The following ANP32B variants were observed in gnomAD, a reference collection of about 807,000 sequenced individuals.
ANP32B encodes the protein acidic leucine-rich nuclear phosphoprotein 32 family member B.
In ANP32B, 6 loss-of-function variants were observed where a neutral mutation model predicts 32.2. The observed-to-expected ratio is 0.19, with a 90% confidence interval of 0.10 to 0.37. The LOEUF is 0.37. Ranked by LOEUF, ANP32B falls within the 10% of genes least tolerant of loss-of-function variation. The pLI is 1.00. For synonymous variants in ANP32B, 98 were observed against 105.8 expected, an observed-to-expected ratio of 0.93 and a Z score of 0.45; for missense variants, 204 against 289.2, an observed-to-expected ratio of 0.71 and a Z score of 2.14.
chr9:97,983,668 A>G, intron 1 of ANP32B, 59 bp downstream of exon 1: 1 of 1,366,666 alleles, frequency 7.3e-7, no homozygotes, highest in Non-Finnish European at 1.0e-6. Flanking sequence ...AATGGTGGCC[A>G]CCTGCGGGGC....
chr9:98,012,524 AC>A (rs1828203848), intron 6 of ANP32B, 52 bp downstream of exon 6: 2 of 1,604,268 alleles, frequency 1.2e-6, no homozygotes, highest in African/African-American at 2.7e-5. Context: ...TTAGAGAAAA[AC>A]ATCCATTATT....
chr9:97,983,431 C>A lies in ANP32B; in HGVS notation c.-125C>A. Reference sequence around the variant, plus strand: ...CCCGCACGCCGCCCGCCACCCAGGACCGCGCCGCCGGCCTCCGCCGCTAGC... The same window carrying A: ...CCCGCACGCCGCCCGCCACCCAGGAACGCGCCGCCGGCCTCCGCCGCTAGC... On this transcript the variant is annotated 5_prime_UTR_variant, in exon 1 of 7. Transcript: ENST00000339399. The A allele has an allele frequency of 1.2e-6, 1 of 855,754 alleles. No homozygotes were observed. The highest frequency in any genetic ancestry group is 1.8e-5 in the African/African-American group (1 of 56,804). 53.0% of individuals were successfully genotyped at this position (855,754 alleles called of 1,614,324 possible).
Position 97,994,771 on chromosome 9 carries a change from ATTG to A in ANP32B, c.196_198del (p.Leu66del). The A allele has an allele frequency of 6.3e-7, 1 of 1,591,378 alleles. No individual in the cohort carries two copies. The highest frequency in any genetic ancestry group is 8.5e-7 in the Non-Finnish European group (1 of 1,171,900). The stretch of plus-strand genomic sequence containing the variant: ...TTTCAAATCTCCCCAAGCTGCCTAA[ATTG>A]AAAAAGGTAAGTGCTTTTTCTTTAA... On this transcript the variant is annotated inframe_deletion, in exon 2 of 7. Coordinates refer to ENST00000339399, the MANE Select transcript of ANP32B (RefSeq NM_006401.3).
chr9:97,983,454 A>G lies in ANP32B; in HGVS notation c.-102A>G, dbSNP rs1827630040. On this transcript the variant is annotated 5_prime_UTR_variant, in exon 1 of 7. Transcript: ENST00000339399. Reference sequence around the variant, plus strand: ...GACCGCGCCGCCGGCCTCCGCCGCTAGCAAACCCTTCCGACGGCCCTCGCT... The same window carrying G: ...GACCGCGCCGCCGGCCTCCGCCGCTGGCAAACCCTTCCGACGGCCCTCGCT... 5.4e-6 allele frequency: 6 copies of G among 1,116,390 alleles called. No individual in the cohort carries two copies. The highest frequency in any genetic ancestry group is 7.8e-6 in the Non-Finnish European group (6 of 770,536). 69.2% of individuals were successfully genotyped at this position (1,116,390 alleles called of 1,614,324 possible). A position where few individuals can be genotyped will look rare whatever the true frequency, so the allele number is the denominator to read the frequency against.
rs1828261330 is a variant in ANP32B at position 98,015,499 on chromosome 9, GT to G, written c.*71del. 11 of 1,439,586 alleles carry G rather than the reference GT, an allele frequency of 7.6e-6. No homozygotes were observed. The highest frequency in any genetic ancestry group is 1.4e-5 in the South Asian group (1 of 71,294). The allele number at this position is 1,439,586 out of a possible 1,614,324, so 89.2% of individuals were successfully genotyped here. A position where few individuals can be genotyped will look rare whatever the true frequency, so the allele number is the denominator to read the frequency against. On this transcript the variant is annotated 3_prime_UTR_variant, in exon 7 of 7. Coordinates refer to ENST00000339399, the MANE Select transcript of ANP32B (RefSeq NM_006401.3). ...TGGACTGCTCATGGATTTTGTAGCTGTTTAAAAAAAAAAAAAAGGTAGCTGT... is the reference window on the plus strand; with the variant it reads ...TGGACTGCTCATGGATTTTGTAGCTGTTAAAAAAAAAAAAAAGGTAGCTGT...
intron 4 of ANP32B, among the ~76,000 whole-genome samples, chr9:98,007,991 AAC>A (rs1450561980): frequency 6.6e-6 from 1 of 152,206 alleles, no homozygotes; most frequent in African/African-American, 2.4e-5. Flanking sequence ...ACATTTTAGT[AAC>A]ACAGAATGAG....
intron 3 of ANP32B, among the ~76,000 whole-genome samples, chr9:98,000,593 G>A (rs1490330233): frequency 6.6e-6 from 1 of 152,146 alleles, no homozygotes; most frequent in Non-Finnish European, 1.5e-5. Flanking sequence ...AGAGAATGTA[G>A]ATAATTGCTC....
rs796781880 is a variant in ANP32B, at chr9:98,015,751, T to G, written c.*320T>G. 9.9e-7 allele frequency: 1 copy of G among 1,010,858 alleles called. No homozygotes were observed. The highest frequency in any genetic ancestry group is 1.2e-6 in the Non-Finnish European group (1 of 846,352). The allele number at this position is 1,010,858 out of a possible 1,614,324, so 62.6% of individuals were successfully genotyped here. A position where few individuals can be genotyped will look rare whatever the true frequency, so the allele number is the denominator to read the frequency against. On this transcript the variant is annotated 3_prime_UTR_variant, in exon 7 of 7. Transcript: ENST00000339399. ...CTGTGGCTACCAGTTACACTGAGAT[T>G]GTAACAGCATTTTTACTTTCTGTAC... is the stretch of plus-strand genomic sequence containing the variant.
intron 2 of ANP32B, among the ~76,000 whole-genome samples, chr9:97,998,222 T>C (rs1218324830): frequency 6.6e-6 from 1 of 152,228 alleles, no homozygotes; most frequent in Non-Finnish European, 1.5e-5. Flanking sequence ...CCATTTACCC[T>C]TTCTGGCAGG....
intron 1 of ANP32B, among the ~76,000 whole-genome samples, chr9:97,992,636 G>A (rs1319995686): frequency 6.6e-6 from 1 of 152,146 alleles, no homozygotes; most frequent in Non-Finnish European, 1.5e-5. Context: ...AAGCTAAATG[G>A]GAACATTTTA....
intron 1 of ANP32B, chr9:97,984,794 C>G (rs905137247): frequency 6.6e-6 from 1 of 150,464 alleles, no homozygotes; most frequent in Non-Finnish European, 1.5e-5. Flanking sequence ...TGCCGACCCC[C>G]TCCCCCTTCT....
At chr9:98,008,643 G>T (rs1441510849) in intron 4 of ANP32B, among the ~76,000 whole-genome samples, 1 of 152,108 alleles carries the variant, frequency 6.6e-6, no homozygotes, top group Non-Finnish European at 1.5e-5. Flanking sequence ...AAAGTTTTCT[G>T]CAGTGACAGC....
rs200478081 is a variant in ANP32B, at chr9:97,985,324, C to CG, written c.54+1719dup. Among the ~76,000 whole-genome samples the CG allele has an allele frequency of 9.0e-3, 1,374 of 151,912 alleles. 24 individuals carry two copies. Among genetic ancestry groups the CG allele is most frequent in the African/African-American group, 0.029 (1,220 of 41,452 alleles). Reference sequence around the variant, plus strand: ...CTAGTCTTTGAGGTCACCACTAACGCGGGGCGGGCCGGGCTCCACCGCACG... The same window carrying CG: ...CTAGTCTTTGAGGTCACCACTAACGCGGGGGCGGGCCGGGCTCCACCGCACG... On this transcript the variant is annotated intron_variant, in intron 1 of 6. Coordinates refer to ENST00000339399, the MANE Select transcript of ANP32B (RefSeq NM_006401.3).
rs1827878758 is a variant in ANP32B at position 97,994,779 on chromosome 9, A to G, written c.203A>G (p.Lys68Arg). 2 of 1,585,230 alleles carry G rather than the reference A, an allele frequency of 1.3e-6. No homozygotes were observed. Among genetic ancestry groups the G allele is most frequent in the African/African-American group, 1.4e-5 (1 of 73,166 alleles). The change falls in exon 2 of 7, where the codon AAG (lysine) becomes AGG (arginine). Residue 68 changes from lysine to arginine, a missense_variant and splice_region_variant. By Grantham distance (26) the Lys-to-Arg change is conservative (BLOSUM62 2). Coordinates refer to ENST00000339399, the MANE Select transcript of ANP32B (RefSeq NM_006401.3). ...SNLPKLPKLK[K>R]LELSENRIFG... ...CTCCCCAAGCTGCCTAAATTGAAAA[A>G]GGTAAGTGCTTTTTCTTTAACAGTA...
At chr9:98,009,364 C>T (rs1828141601) in intron 4 of ANP32B, among the ~76,000 whole-genome samples, 1 of 152,186 alleles carries the variant, frequency 6.6e-6, no homozygotes, top group South Asian at 2.1e-4. Flanking sequence ...GAATAAAACG[C>T]TTCTCACGTA....
chr9:98,012,459 G>A lies in ANP32B; in HGVS notation c.675G>A (p.Glu225=), dbSNP rs3900080. The A allele has an allele frequency of 6.2e-7, 1 of 1,612,164 alleles. No homozygotes were observed. The highest frequency in any genetic ancestry group is 8.5e-7 in the Non-Finnish European group (1 of 1,179,490). The change falls in exon 6 of 7, where the codon GAG becomes GAA. Residue 225 remains glutamate, a synonymous_variant. Transcript: ENST00000339399. ...GACTTGATGAAGAAGATGAAGATGA[G>A]GATGAGGATGAAGGTGGGCCTAATG... ...EFGLDEEDED[E]DEDEEEEEGG...
chr9:98,004,560 C>G (rs7035650), intron 3 of ANP32B, among the ~76,000 whole-genome samples: 75,441 of 151,974 alleles, frequency 0.5, 19,141 homozygotes, highest in South Asian at 0.57. Flanking sequence ...ATACTGCCAC[C>G]CTAGAACATT....
chr9:97,983,834 TG>T, intron 1 of ANP32B, among the ~76,000 whole-genome samples: 1 of 150,972 alleles, frequency 6.6e-6, no homozygotes. Context: ...GGCAGCGGTG[TG>T]GGGGAAAGCA....
intron 3 of ANP32B, among the ~76,000 whole-genome samples, chr9:98,004,525 G>C (rs1828045846): frequency 6.6e-6 from 1 of 152,108 alleles, no homozygotes; most frequent in Non-Finnish European, 1.5e-5. Flanking sequence ...CTAAGATTGT[G>C]TTATAAATCT....
Sources: allele counts gnomAD v4.1 joint callset (sites outside exome capture counted in the v4.1 genomes callset), GRCh38; gene constraint gnomAD v4.1.1; transcripts MANE v1.5; gene names NCBI Gene and HGNC (gene_info 2026-07-23, HGNC 2026-07-21).